Variants in EPHB1 observed in about 807,000 individuals in gnomAD.
The protein encoded by EPHB1 is ephrin type-B receptor 1.
A neutral mutation model predicts 94.4 loss-of-function variants in EPHB1; 30 were observed. That is an observed-to-expected ratio of 0.32 (90% CI 0.24 to 0.43). EPHB1 has a LOEUF of 0.43. Ranked by LOEUF, EPHB1 falls within the 20% of genes least tolerant of loss-of-function variation. EPHB1 has a pLI of 1.00. For missense variants in EPHB1, 1,055 were observed against 1,308.3 expected (o/e 0.81, Z 2.99); for synonymous variants, 522 against 489.1 (o/e 1.07, Z -0.89).
At chr3:134,940,072 G>C (rs1355383346) in intron 2 of EPHB1, among the ~76,000 whole-genome samples, 1 of 152,192 alleles carries the variant, frequency 6.6e-6, no homozygotes, top group Non-Finnish European at 1.5e-5. Context: ...ATTCCCAGAG[G>C]GAAAGGGAAG....
Position 135,155,934 on chromosome 3 carries a change from T to C in EPHB1, c.1422+1658T>C, listed in dbSNP as rs1197284322. On this transcript the variant is annotated intron_variant, in intron 6 of 15. Coordinates refer to ENST00000398015, the MANE Select transcript of EPHB1 (RefSeq NM_004441.5). ...CTGTTCCACTGAAAACAGAGCCTAG[T>C]AGATCTACAATTATTAACGAGGATG... 5.3e-5 allele frequency among the ~76,000 whole-genome samples: 8 copies of C among 151,944 alleles called. No individual in the cohort carries two copies. In the South Asian group the frequency reaches 1.5e-3, roughly 28 times the overall value.
At chr3:134,974,537 T>A (rs1559778679) in intron 3 of EPHB1, among the ~76,000 whole-genome samples, 1 of 152,136 alleles carries the variant, frequency 6.6e-6, no homozygotes, top group Non-Finnish European at 1.5e-5. Flanking sequence ...ATTTTCCACC[T>A]TGCATGCATA....
At chr3:134,803,109 T>A (rs957518553) in intron 1 of EPHB1, among the ~76,000 whole-genome samples, 2 of 152,182 alleles carry the variant, frequency 1.3e-5, no homozygotes, top group African/African-American at 4.8e-5. Flanking sequence ...CCCCCAGAGT[T>A]CTCTGTAACA....
At chr3:135,186,607 A>G (rs914418200) in intron 10 of EPHB1, among the ~76,000 whole-genome samples, 7 of 152,170 alleles carry the variant, frequency 4.6e-5, no homozygotes, top group African/African-American at 1.4e-4. Flanking sequence ...AAAAAGTGCA[A>G]TTGTGTGTAG....
At chr3:134,828,653 G>A (rs1187362077) in intron 1 of EPHB1, among the ~76,000 whole-genome samples, 5 of 152,142 alleles carry the variant, frequency 3.3e-5, no homozygotes, top group African/African-American at 4.8e-5. Flanking sequence ...GCAGTTGGCC[G>A]GGAGTGACTG....
In EPHB1 at chr3:135,248,503, C is replaced by A. The variant is rs1943981839; in HGVS notation, c.2684C>A (p.Thr895Asn). Reference sequence around the variant, plus strand: ...AGTCTCAAGACTGTGGCAACCATCACCGCCGTGTGAGTCTAGTGAAACGGT... The same window carrying A: ...AGTCTCAAGACTGTGGCAACCATCAACGCCGTGTGAGTCTAGTGAAACGGT... ...PASLKTVATITAVPSQPLLDR... is the reference protein window; with the variant it reads ...PASLKTVATINAVPSQPLLDR... Residue 895 changes from threonine (T) to asparagine (N), a missense_variant, in exon 14 of 16, where the codon ACC (threonine) becomes AAC (asparagine). By Grantham distance (65) the Thr-to-Asn change is moderately conservative. Transcript: ENST00000398015. The A allele has an allele frequency of 3.1e-6, 5 of 1,597,062 alleles. No homozygotes were observed. In the South Asian group the frequency reaches 5.6e-5, roughly 18 times the overall value.
chr3:134,807,998 T>A (rs1483831492), intron 1 of EPHB1, among the ~76,000 whole-genome samples: 1 of 152,178 alleles, frequency 6.6e-6, no homozygotes, highest in Non-Finnish European at 1.5e-5. Context: ...CCTCCCATGA[T>A]GAATTCAACA....
At chr3:134,804,069 C>CTTTTTTTTTTTTTTTTTTTTTTTT (rs1560240142) in intron 1 of EPHB1, among the ~76,000 whole-genome samples, 1 of 51,810 alleles carries the variant, frequency 1.9e-5, no homozygotes, top group Non-Finnish European at 3.5e-5. Context: ...TCATTATTGG[C>CTTTTTTTTTTTTTTTTTTTTTTTT]TATTTTTTTT....
At chr3:135,131,609 T>G (rs1174902263) in intron 4 of EPHB1, among the ~76,000 whole-genome samples, 1 of 152,206 alleles carries the variant, frequency 6.6e-6, no homozygotes, top group Non-Finnish European at 1.5e-5. Flanking sequence ...GTTCTGGTTT[T>G]GGGCAGCAGA....
At chr3:135,233,794 C>T (rs920435629) in intron 12 of EPHB1, among the ~76,000 whole-genome samples, 6 of 152,198 alleles carry the variant, frequency 3.9e-5, no homozygotes, top group East Asian at 1.9e-4. Flanking sequence ...TCTTGTCTTC[C>T]GCACACTCAC....
At chr3:135,134,166 G>A (rs1201824440) in intron 5 of EPHB1, among the ~76,000 whole-genome samples, 2 of 152,210 alleles carry the variant, frequency 1.3e-5, no homozygotes, top group Admixed American at 6.5e-5. Context: ...GCAGTGGACC[G>A]TGATGCTATT....
At chr3:134,823,835 G>C (rs1057218328) in intron 1 of EPHB1, 1 of 152,208 alleles carries the variant, frequency 6.6e-6, no homozygotes, top group East Asian at 1.9e-4. Context: ...ATGGCAACAG[G>C]CTATGATGTC....
intron 5 of EPHB1, among the ~76,000 whole-genome samples, chr3:135,150,813 C>T (rs1199068667): frequency 6.6e-6 from 1 of 152,172 alleles, no homozygotes; most frequent in Non-Finnish European, 1.5e-5. Flanking sequence ...CAACATGGAC[C>T]TTATGCACCT....
chr3:134,868,104 A>G (rs1414352650), intron 1 of EPHB1, among the ~76,000 whole-genome samples: 1 of 152,204 alleles, frequency 6.6e-6, no homozygotes, highest in African/African-American at 2.4e-5. Context: ...ACCCAATTCT[A>G]CTTAAGTGCT....
At chr3:135,095,680 C>T (rs1938732767) in intron 3 of EPHB1, among the ~76,000 whole-genome samples, 1 of 152,152 alleles carries the variant, frequency 6.6e-6, no homozygotes, top group Non-Finnish European at 1.5e-5. Context: ...TCCCACCCAC[C>T]CCACACAGGA....
intron 1 of EPHB1, among the ~76,000 whole-genome samples, chr3:134,884,734 C>T (rs566528963): frequency 6.2e-4 from 95 of 152,298 alleles, no homozygotes; most frequent in Non-Finnish European, 1.2e-3. Context: ...GTATGGGGCA[C>T]GGTGGAATAC....
Position 135,096,847 on chromosome 3 carries a change from C to T in EPHB1, c.806-9601C>T, listed in dbSNP as rs560751395. Among the ~76,000 whole-genome samples the T allele has an allele frequency of 1.4e-4, 21 of 152,222 alleles. No homozygotes were observed. In the South Asian group the frequency reaches 4.1e-3, roughly 30 times the overall value. Reference sequence around the variant, plus strand: ...GCACAATGGCTCATGCCTGTAGTGCCAGCACTTTGGGAGGCCAAGGGGGGC... The same window carrying T: ...GCACAATGGCTCATGCCTGTAGTGCTAGCACTTTGGGAGGCCAAGGGGGGC... On this transcript the variant is annotated intron_variant, in intron 3 of 15. Transcript: ENST00000398015.
At chr3:135,038,850 C>T (rs577186207) in intron 3 of EPHB1, among the ~76,000 whole-genome samples, 3 of 152,090 alleles carry the variant, frequency 2.0e-5, no homozygotes, top group South Asian at 2.1e-4. Flanking sequence ...GGGACCCCAG[C>T]GGGTTGCCAA....
intron 1 of EPHB1, among the ~76,000 whole-genome samples, chr3:134,818,540 T>A (rs1578110701): frequency 6.6e-6 from 1 of 152,276 alleles, no homozygotes; most frequent in East Asian, 1.9e-4. Flanking sequence ...AACTCTTCCC[T>A]CTCTTACCCC....
Sources: allele counts gnomAD v4.1 joint callset (sites outside exome capture counted in the v4.1 genomes callset), GRCh38; gene constraint gnomAD v4.1.1; transcripts MANE v1.5; gene names NCBI Gene and HGNC (gene_info 2026-07-23, HGNC 2026-07-21).